Variants in MAP2 observed in about 807,000 individuals in gnomAD.
MAP2 encodes the protein microtubule associated protein 2, also known as microtubule-associated protein 2.
In MAP2, 14 loss-of-function variants were observed where a neutral mutation model predicts 137.6. The ratio of observed to expected loss-of-function variants is 0.10; its 90% confidence interval spans 0.07 to 0.16. The LOEUF (loss-of-function observed/expected upper bound fraction) is 0.16, where lower values mean the gene tolerates loss of function less well. Ranked by LOEUF, MAP2 falls within the 10% of genes least tolerant of loss-of-function variation. The pLI is 1.00. For synonymous variants in MAP2, 786 were observed against 782.3 expected (o/e 1.00, Z -0.08); for missense variants, 2,088 against 2,191.5 (o/e 0.95, Z 0.94).
rs552024177 is a variant in MAP2, at chr2:209,628,525, C to CATGTTTACT, written c.-30+3398_-30+3406dup. 1.6e-4 allele frequency among the ~76,000 whole-genome samples: 25 copies of CATGTTTACT among 152,254 alleles called. No homozygotes were observed. In the East Asian group the frequency reaches 4.6e-3, roughly 28 times the overall value. On this transcript the variant is annotated intron_variant, in intron 4 of 15. Transcript: ENST00000682079. ...TATATCATTCACATCCACTGTCTCT[C>CATGTTTACT]ATGTTTACTACTATCATAATCCCCT...
chr2:209,669,469 T>C (rs1204547803), intron 5 of MAP2, among the ~76,000 whole-genome samples: 3 of 152,090 alleles, frequency 2.0e-5, no homozygotes, highest in Non-Finnish European at 4.4e-5. Context: ...GTAACAAATA[T>C]AGTTTCTCCT....
chr2:209,672,800 C>A (rs1187300521), intron 5 of MAP2, among the ~76,000 whole-genome samples: 2 of 151,782 alleles, frequency 1.3e-5, no homozygotes, highest in Non-Finnish European at 2.9e-5. Flanking sequence ...TGCTTAATAA[C>A]GTTGTATAAC....
intron 4 of MAP2, among the ~76,000 whole-genome samples, chr2:209,648,058 A>T (rs1184378725): frequency 6.6e-6 from 1 of 151,900 alleles, no homozygotes; most frequent in Middle Eastern, 3.2e-3. Flanking sequence ...AATAAAGTCA[A>T]GTGTAATATC....
intron 11 of MAP2, among the ~76,000 whole-genome samples, chr2:209,703,507 C>G (rs142369525): frequency 1.3e-5 from 2 of 151,902 alleles, no homozygotes; most frequent in Non-Finnish European, 2.9e-5. Context: ...AGACTATATA[C>G]GTAGAATCCA....
At chr2:209,627,295 T>A (rs1418465083) in intron 4 of MAP2, among the ~76,000 whole-genome samples, 3 of 152,160 alleles carry the variant, frequency 2.0e-5, no homozygotes, top group Non-Finnish European at 4.4e-5. Context: ...AGAATTTGTT[T>A]AAGGTAAAAG....
intron 2 of MAP2, chr2:209,579,616 C>A (rs914603717): frequency 5.3e-5 from 8 of 152,256 alleles, no homozygotes; most frequent in Admixed American, 1.3e-4. Context: ...CACACACAGA[C>A]ACGAGCTGGT....
At position 209,562,798 on chromosome 2, in the gene MAP2, T is replaced by C. The variant is rs924020831; in HGVS notation, c.-171-17238T>C. On this transcript the variant is annotated intron_variant, in intron 2 of 15. Transcript: ENST00000682079. ...AGCGGTGATTGCACACCAGCTCAAA[T>C]ACCAAAACAGAAATTTTTCTCTTTC... 9.9e-5 allele frequency among the ~76,000 whole-genome samples: 15 copies of C among 152,012 alleles called. 1 individual carries two copies. The highest frequency in any genetic ancestry group is 3.6e-4 in the African/African-American group (15 of 41,400).
intron 2 of MAP2, chr2:209,579,485 A>C (rs1477190327): frequency 6.6e-6 from 1 of 152,174 alleles, no homozygotes; most frequent in Non-Finnish European, 1.5e-5. Context: ...GGCGGAGCTG[A>C]GTGGCTTGTC....
chr2:209,552,145 G>A (rs2153300292), intron 2 of MAP2, among the ~76,000 whole-genome samples: 1 of 152,262 alleles, frequency 6.6e-6, no homozygotes, highest in African/African-American at 2.4e-5. Context: ...TTTCTCTACT[G>A]TAAAATGTGG....
At chr2:209,527,110 C>T (rs1025244419) in intron 2 of MAP2, among the ~76,000 whole-genome samples, 2 of 152,118 alleles carry the variant, frequency 1.3e-5, no homozygotes, top group Non-Finnish European at 2.9e-5. Flanking sequence ...TGCAAAGTTA[C>T]ACATTAGAAT....
chr2:209,536,240 A>G (rs1174586743), intron 2 of MAP2, among the ~76,000 whole-genome samples: 1 of 152,180 alleles, frequency 6.6e-6, no homozygotes, highest in Non-Finnish European at 1.5e-5. Context: ...ACATATGCAA[A>G]TATAAAATAA....
At chr2:209,666,701 A>G (rs2046457183) in intron 5 of MAP2, among the ~76,000 whole-genome samples, 1 of 151,976 alleles carries the variant, frequency 6.6e-6, no homozygotes, top group African/African-American at 2.4e-5. Flanking sequence ...CTAGCTGACT[A>G]TCATCTTATG....
At chr2:209,603,216 C>T (rs1471991130) in intron 3 of MAP2, among the ~76,000 whole-genome samples, 1 of 152,050 alleles carries the variant, frequency 6.6e-6, no homozygotes, top group Non-Finnish European at 1.5e-5. Context: ...AAAGAAACCC[C>T]TTGGTTTATT....
At chr2:209,487,743 T>G (rs764533794) in intron 1 of MAP2, among the ~76,000 whole-genome samples, 2 of 152,216 alleles carry the variant, frequency 1.3e-5, no homozygotes, top group Non-Finnish European at 2.9e-5. Context: ...TACTTCATTA[T>G]CCACATAAAT....
At chr2:209,477,276 G>A (rs1298171033) in intron 1 of MAP2, among the ~76,000 whole-genome samples, 1 of 151,762 alleles carries the variant, frequency 6.6e-6, no homozygotes, top group Non-Finnish European at 1.5e-5. Flanking sequence ...CCATAGCCTG[G>A]GCCACTTTGT....
chr2:209,509,468 G>A (rs1280530801), intron 2 of MAP2, among the ~76,000 whole-genome samples: 1 of 151,934 alleles, frequency 6.6e-6, no homozygotes, highest in Non-Finnish European at 1.5e-5. Flanking sequence ...TTGGATATGT[G>A]TGGTTTAGTA....
intron 2 of MAP2, among the ~76,000 whole-genome samples, chr2:209,578,602 T>A (rs1030040325): frequency 6.6e-6 from 1 of 152,148 alleles, no homozygotes; most frequent in African/African-American, 2.4e-5. Flanking sequence ...TTTGCTCCAT[T>A]CACTGGTTCA....
intron 13 of MAP2, chr2:209,723,556 A>G (rs1304592985): frequency 1.6e-6 from 2 of 1,213,324 alleles, no homozygotes; most frequent in South Asian, 1.2e-5. Flanking sequence ...GCATCTTGAT[A>G]GAAAAATGCA....
At chr2:209,692,593 T>C in intron 7 of MAP2, 32 bp from the exon 8 acceptor site, 1 of 1,527,702 alleles carries the variant, frequency 6.5e-7, no homozygotes, top group Non-Finnish European at 8.8e-7. Flanking sequence ...ACTTGCCTAT[T>C]ATTTGTTTAA....
Sources: gnomAD v4.1 joint callset for allele counts (sites outside exome capture counted in the v4.1 genomes callset) on GRCh38, gnomAD v4.1.1 for gene constraint, MANE v1.5 for transcripts, NCBI Gene and HGNC (gene_info 2026-07-23, HGNC 2026-07-21) for gene names.